Variants in DIP2C observed in about 807,000 individuals in gnomAD.
DIP2C encodes the protein disco-interacting protein 2 homolog C.
In DIP2C, 33 loss-of-function variants were observed where a neutral mutation model predicts 192.4. The ratio of observed to expected loss-of-function variants is 0.17; its 90% confidence interval spans 0.13 to 0.23. The LOEUF is 0.23. Ranked by LOEUF, DIP2C falls within the 10% of genes least tolerant of loss-of-function variation. The probability of loss-of-function intolerance (pLI) is 1.00; values close to 1 mark genes in which losing one functional copy is unlikely to be tolerated. For synonymous variants in DIP2C, 979 were observed against 864.1 expected (o/e 1.13, Z -2.33); for missense variants, 1,537 against 2,110.1 (o/e 0.73, Z 5.32).
chr10:538,326 C>T (rs1044361339), intron 1 of DIP2C, among the ~76,000 whole-genome samples: 39 of 151,844 alleles, frequency 2.6e-4, no homozygotes, highest in African/African-American at 9.4e-4. Flanking sequence ...TCGGCTAGTT[C>T]TTTTTTGTAG....
chr10:347,575 G>C (rs71492990), intron 26 of DIP2C, among the ~76,000 whole-genome samples: 7 of 80,626 alleles, frequency 8.7e-5, no homozygotes, highest in Non-Finnish European at 1.2e-4. Context: ...AACCCCACAC[G>C]CACCCAGACA....
intron 1 of DIP2C, among the ~76,000 whole-genome samples, chr10:674,768 T>G (rs1830797259): frequency 1.1e-4 from 1 of 9,120 alleles, no homozygotes; most frequent in Non-Finnish European, 2.2e-4. Context: ...AAACTCCATC[T>G]CAAATATATA....
At chr10:456,640 G>A (rs1014280769) in intron 3 of DIP2C, among the ~76,000 whole-genome samples, 2 of 152,228 alleles carry the variant, frequency 1.3e-5, no homozygotes, top group African/African-American at 4.8e-5. Flanking sequence ...AACTGTGCAA[G>A]AGGCCAGACG....
intron 29 of DIP2C, among the ~76,000 whole-genome samples, chr10:332,829 T>TA (rs1957563136): frequency 6.6e-6 from 1 of 152,234 alleles, no homozygotes; most frequent in Admixed American, 6.5e-5. Context: ...TCCTGGGTCA[T>TA]ACCCTGTCTG....
At chr10:618,411 C>T (rs745644085) in intron 1 of DIP2C, among the ~76,000 whole-genome samples, 12 of 152,224 alleles carry the variant, frequency 7.9e-5, no homozygotes, top group African/African-American at 1.2e-4. Context: ...GCCGGACGCC[C>T]GCAGGCCCCT....
chr10:409,061 G>GGA (rs751846231), intron 8 of DIP2C, 44 bp from the exon 9 acceptor site: 2 of 1,591,702 alleles, frequency 1.3e-6, no homozygotes, highest in Non-Finnish European at 1.7e-6. Flanking sequence ...TAAACCATAC[G>GGA]GAGAGCACAG....
chr10:326,874 T>C (rs982879545), intron 31 of DIP2C, 132 bp downstream of exon 31: 2 of 1,086,310 alleles, frequency 1.8e-6, no homozygotes, highest in Non-Finnish European at 2.6e-6. Flanking sequence ...ACCAACCGCA[T>C]GCGTGTGACT....
In DIP2C at chr10:572,635, C is replaced by G. The variant is rs2131534207; in HGVS notation, c.86-86105G>C. Among the ~76,000 whole-genome samples the G allele has an allele frequency of 2.0e-5, 3 of 152,332 alleles. No individual in the cohort carries two copies. In the South Asian group the frequency reaches 6.2e-4, roughly 32 times the overall value. On this transcript the variant is annotated intron_variant, in intron 1 of 36. Coordinates refer to ENST00000280886, the MANE Select transcript of DIP2C (RefSeq NM_014974.3). ...TGTAAGCACTCACACGGTCAACATT[C>G]TGCTCTCCAGTGACTGTATTCACAG...
chr10:616,520 G>T (rs1391533323), intron 1 of DIP2C, among the ~76,000 whole-genome samples: 1 of 152,170 alleles, frequency 6.6e-6, no homozygotes, highest in Non-Finnish European at 1.5e-5. Flanking sequence ...CGGGCCCACT[G>T]AACAGAATAA....
At chr10:635,684 T>C (rs1854786079) in intron 1 of DIP2C, among the ~76,000 whole-genome samples, 1 of 152,182 alleles carries the variant, frequency 6.6e-6, no homozygotes, top group Non-Finnish European at 1.5e-5. Flanking sequence ...GGAGCCAGCA[T>C]CCTGAGCCCC....
chr10:584,151 C>CCA (rs1564231228), intron 1 of DIP2C, among the ~76,000 whole-genome samples: 1 of 152,248 alleles, frequency 6.6e-6, no homozygotes, highest in East Asian at 1.9e-4. Context: ...AACTGCACCC[C>CCA]CACATAACTA....
intron 1 of DIP2C, among the ~76,000 whole-genome samples, chr10:620,390 C>T (rs1021187905): frequency 1.3e-5 from 2 of 152,124 alleles, no homozygotes; most frequent in Non-Finnish European, 2.9e-5. Flanking sequence ...CTGAGCCAAA[C>T]CTACATTGGA....
intron 8 of DIP2C, among the ~76,000 whole-genome samples, chr10:412,276 G>A (rs985546798): frequency 1.6e-4 from 25 of 152,172 alleles, no homozygotes; most frequent in African/African-American, 9.7e-5. Flanking sequence ...CCAAGTGAAC[G>A]TCTATTAGTT....
At chr10:606,911 G>C (rs1398251508) in intron 1 of DIP2C, among the ~76,000 whole-genome samples, 1 of 152,026 alleles carries the variant, frequency 6.6e-6, no homozygotes, top group Non-Finnish European at 1.5e-5. Flanking sequence ...TCAGGCTGGG[G>C]TCTGAATAGG....
intron 3 of DIP2C, among the ~76,000 whole-genome samples, chr10:467,275 G>A (rs535880672): frequency 3.3e-5 from 5 of 150,672 alleles, no homozygotes; most frequent in East Asian, 3.9e-4. Context: ...GTAAACTATC[G>A]CAAAAACGAA....
intron 1 of DIP2C, among the ~76,000 whole-genome samples, chr10:619,537 G>GCCCTCCCTCCCTCCCTCCCTCCCT (rs528029497): frequency 1.9e-5 from 1 of 51,386 alleles, no homozygotes; most frequent in African/African-American, 5.2e-5. Flanking sequence ...AAGCCCGCCC[G>GCCCTCCCTCCCTCCCTCCCTCCCT]CCCGCCCTCC....
intron 1 of DIP2C, among the ~76,000 whole-genome samples, chr10:569,763 C>A (rs1849669830): frequency 6.6e-6 from 1 of 152,136 alleles, no homozygotes; most frequent in Non-Finnish European, 1.5e-5. Context: ...GCCCTCCTAC[C>A]CACAAAGGCA....
chr10:495,556 ACT>A (rs963540860), intron 1 of DIP2C, among the ~76,000 whole-genome samples: 15 of 143,414 alleles, frequency 1.0e-4, no homozygotes, highest in African/African-American at 1.6e-4. Flanking sequence ...TCTTCTAGCG[ACT>A]CTCTCAGTGA....
intron 1 of DIP2C, among the ~76,000 whole-genome samples, chr10:576,103 C>G (rs1051545115): frequency 6.6e-6 from 1 of 152,186 alleles, no homozygotes; most frequent in African/African-American, 2.4e-5. Flanking sequence ...CGCTCCTGTA[C>G]GGGTTTGCTG....
Sources: allele counts gnomAD v4.1 joint callset (sites outside exome capture counted in the v4.1 genomes callset), GRCh38; gene constraint gnomAD v4.1.1; transcripts MANE v1.5; gene names NCBI Gene and HGNC (gene_info 2026-07-23, HGNC 2026-07-21).